The following AMMECR1 variants were observed in gnomAD, a reference collection of about 807,000 sequenced individuals.
AMMECR1 encodes nuclear protein AMMECR1.
In AMMECR1, 3 loss-of-function variants were observed where a neutral mutation model predicts 22.5. The observed-to-expected ratio is 0.13, with a 90% CI of 0.06 to 0.35. AMMECR1 has a LOEUF of 0.35. Ranked by LOEUF, AMMECR1 falls within the 10% of genes least tolerant of loss-of-function variation. The pLI is 1.00. For synonymous variants in AMMECR1, 130 were observed against 116.7 expected (o/e 1.11, Z -0.74); for missense variants, 235 against 278.7 (o/e 0.84, Z 1.12).
intron 2 of AMMECR1, among the ~76,000 whole-genome samples, chrX:110,328,786 G>A (rs2068108846): frequency 9.0e-6 from 1 of 111,358 alleles, no homozygotes; most frequent in Non-Finnish European, 1.9e-5. Context: ...TCCCTGCAAA[G>A]GACATGAACT....
chrX:110,340,142 T>C (rs769378405), intron 2 of AMMECR1, among the ~76,000 whole-genome samples: 14 of 110,567 alleles, frequency 1.3e-4, no homozygotes, highest in African/African-American at 3.6e-4. Context: ...ATCTATTAAA[T>C]GGGGATGATG....
intron 2 of AMMECR1, among the ~76,000 whole-genome samples, chrX:110,345,835 A>G (rs1308798313): frequency 8.9e-6 from 1 of 112,344 alleles, no homozygotes; most frequent in Non-Finnish European, 1.9e-5. Context: ...AAACAATTTG[A>G]CTTTTGTTCC....
chrX:110,305,578 G>C (rs1350631234), intron 1 of AMMECR1: 1 of 111,458 alleles, frequency 9.0e-6, no homozygotes, highest in African/African-American at 3.3e-5. Context: ...CCTGCAACTT[G>C]ATCATATCTA....
chrX:110,356,462 G>A (rs192371381), intron 2 of AMMECR1, among the ~76,000 whole-genome samples: 1 of 110,619 alleles, frequency 9.0e-6, no homozygotes, highest in African/African-American at 3.3e-5. Context: ...CCAACTAGAG[G>A]AATAACTTTT....
chrX:110,432,530 A>G (rs2068805108), intron 1 of AMMECR1, among the ~76,000 whole-genome samples: 1 of 111,859 alleles, frequency 8.9e-6, no homozygotes, highest in South Asian at 3.8e-4. Context: ...TCAGGAGTGT[A>G]CATGCATGTG....
At chrX:110,243,218 G>T (rs2067642399) in intron 2 of AMMECR1, among the ~76,000 whole-genome samples, 1 of 112,100 alleles carries the variant, frequency 8.9e-6, no homozygotes, top group African/African-American at 3.2e-5. Context: ...TCTGCCTCCA[G>T]GAAACCTTCC....
chrX:110,220,604 A>G (rs2067495310), intron 2 of AMMECR1, among the ~76,000 whole-genome samples: 1 of 111,669 alleles, frequency 9.0e-6, no homozygotes, highest in Non-Finnish European at 1.9e-5. Flanking sequence ...TAGAAAAACA[A>G]AACAAAACAC....
chrX:110,343,928 C>T (rs1207235182), intron 2 of AMMECR1, among the ~76,000 whole-genome samples: 1 of 111,215 alleles, frequency 9.0e-6, no homozygotes. Flanking sequence ...CCAAGGTAAT[C>T]TATAGATTCG....
intron 2 of AMMECR1, among the ~76,000 whole-genome samples, chrX:110,239,447 C>T (rs2067619077): frequency 9.0e-6 from 1 of 110,583 alleles, no homozygotes; most frequent in Non-Finnish European, 1.9e-5. Flanking sequence ...GAAAGGATAT[C>T]AGAGATTAAA....
intron 1 of AMMECR1, among the ~76,000 whole-genome samples, chrX:110,429,178 G>A (rs1023536522): frequency 8.9e-5 from 10 of 111,927 alleles, no homozygotes; most frequent in Non-Finnish European, 9.4e-5. Context: ...ATTTTTATAT[G>A]TGTGTAGTCT....
intron 2 of AMMECR1, among the ~76,000 whole-genome samples, chrX:110,360,478 T>C (rs2068256080): frequency 9.0e-6 from 1 of 111,437 alleles, no homozygotes; most frequent in African/African-American, 3.3e-5. Context: ...TTGAACTAGA[T>C]TGATAGTAAT....
At chrX:110,408,740 T>C (rs2068620548) in intron 2 of AMMECR1, among the ~76,000 whole-genome samples, 1 of 112,302 alleles carries the variant, frequency 8.9e-6, no homozygotes, top group Non-Finnish European at 1.9e-5. Flanking sequence ...GTTGCATTCA[T>C]GGGGATTCTA....
At chrX:110,422,124 G>A (rs1250181179) in intron 2 of AMMECR1, among the ~76,000 whole-genome samples, 2 of 112,991 alleles carry the variant, frequency 1.8e-5, no homozygotes, top group Non-Finnish European at 3.7e-5. Context: ...CATAGTGCCT[G>A]GCACAGAGTA....
intron 1 of AMMECR1, among the ~76,000 whole-genome samples, chrX:110,305,249 G>A (rs2067987640): frequency 8.9e-6 from 1 of 112,187 alleles, no homozygotes; most frequent in Non-Finnish European, 1.9e-5. Context: ...AATATTAAGA[G>A]CAGTACTTGC....
intron 2 of AMMECR1, among the ~76,000 whole-genome samples, chrX:110,377,963 C>T (rs897125394): frequency 1.0e-5 from 1 of 97,382 alleles, no homozygotes. Flanking sequence ...GAGCCGAGAT[C>T]GCGCCACTGC....
chrX:110,396,020 C>T (rs986700895), intron 2 of AMMECR1, among the ~76,000 whole-genome samples: 64 of 111,688 alleles, frequency 5.7e-4, no homozygotes, highest in African/African-American at 2.0e-3. Context: ...GAAGTGGGTA[C>T]TTTTCAATTT....
In AMMECR1 at chrX:110,438,263, G is replaced by A. The variant is rs1323406225; in HGVS notation, c.-294+1627C>T. ...GCATTTTAACTGATGCCAAAGCCCT[G>A]AGTCAAAAGAATTATATACTTAAAA... On this transcript the variant is annotated intron_variant, in intron 1 of 7. Coordinates refer to the AMMECR1 transcript ENST00000372057. Among the ~76,000 whole-genome samples, 3 of 111,585 alleles carry A rather than the reference G, an allele frequency of 2.7e-5. No homozygotes were observed. The East Asian group carries it at 8.4e-4, about 31-fold the overall frequency.
intron 2 of AMMECR1, among the ~76,000 whole-genome samples, chrX:110,348,685 A>G (rs1354891065): frequency 8.9e-6 from 1 of 112,386 alleles, no homozygotes; most frequent in Non-Finnish European, 1.9e-5. Flanking sequence ...GTCGAGTAAA[A>G]TTAGAAAATC....
intron 2 of AMMECR1, chrX:110,347,032 C>T (rs2068193363): frequency 2.3e-6 from 1 of 443,140 alleles, no homozygotes; most frequent in Non-Finnish European, 4.1e-6. Flanking sequence ...CATTCCTATA[C>T]ATTGATGATA....
Sources: allele counts gnomAD v4.1 joint callset (sites outside exome capture counted in the v4.1 genomes callset), GRCh38; gene constraint gnomAD v4.1.1; transcripts MANE v1.5; gene names NCBI Gene and HGNC (gene_info 2026-07-23, HGNC 2026-07-21).